Variants in POLD1 observed in about 807,000 individuals in gnomAD.
POLD1 encodes DNA polymerase delta catalytic subunit.
In POLD1, 79 loss-of-function variants were observed where a neutral mutation model predicts 129.7. The ratio of observed to expected loss-of-function variants is 0.61; its 90% CI spans 0.51 to 0.73. The LOEUF is 0.73. POLD1 is among the 30% of genes least tolerant of loss of function. The probability of loss-of-function intolerance (pLI) is 0.00; values close to 1 mark genes in which losing one functional copy is unlikely to be tolerated. For missense variants in POLD1, 1,338 were observed against 1,595.8 expected, an observed-to-expected ratio of 0.84 and a Z score of 2.75; for synonymous variants, 714 against 683.3, an observed-to-expected ratio of 1.04 and a Z score of -0.70.
In POLD1 at chr19:50,413,810, C is replaced by T. The variant is rs1265914610; in HGVS notation, c.2319C>T (p.Ala773=). 1 of 1,612,582 alleles carries T rather than the reference C, an allele frequency of 6.2e-7. No individual in the cohort carries two copies. Among genetic ancestry groups the T allele is most frequent in the South Asian group, 1.1e-5 (1 of 91,020 alleles). The stretch of plus-strand genomic sequence containing the variant: ...TGTCCTCGGTGGCTGAGGCGATGGC[C>T]CTGGGGCGGGAGGCCGCGGACTGGG... The part of the protein sequence containing the change: ...FGVSSVAEAM[A]LGREAADWVS... The change falls in exon 19 of 27, where the codon GCC becomes GCT. Residue 773 remains alanine, a synonymous_variant. Coordinates refer to ENST00000440232, the MANE Select transcript of POLD1 (RefSeq NM_002691.4).
In POLD1 at chr19:50,402,051, C is replaced by T. The variant is rs1306958583; in HGVS notation, c.516C>T (p.Ile172=). 1 of 1,614,112 alleles carries T rather than the reference C, an allele frequency of 6.2e-7. No homozygotes were observed. The highest frequency in any genetic ancestry group is 1.7e-5 in the Admixed American group (1 of 60,030). The change falls in exon 5 of 27, where the codon ATC becomes ATT. Residue 172 remains isoleucine, a synonymous_variant. Transcript: ENST00000440232. ...TGCAACGGGAGCTGAACTTGGCCAT[C>T]AGCCGGGACAGTCGCGGGGGGAGGG... ...GDLQRELNLA[I]SRDSRGGREL...
intron 1 of POLD1, among the ~76,000 whole-genome samples, chr19:50,387,959 C>T (rs996627255): frequency 1.1e-4 from 16 of 152,324 alleles, no homozygotes; most frequent in African/African-American, 3.1e-4. Flanking sequence ...ATACGTCAGA[C>T]GTGTTCTAGC....
intron 24 of POLD1, 95 bp downstream of exon 24, chr19:50,416,818 AC>A (rs943258721): frequency 9.3e-7 from 1 of 1,079,944 alleles, no homozygotes; most frequent in African/African-American, 1.6e-5. Context: ...TGGCACTGCC[AC>A]CCAGTGGGCC....
chr19:50,414,512 C>T (rs917400493), intron 19 of POLD1, among the ~76,000 whole-genome samples: 2 of 152,248 alleles, frequency 1.3e-5, no homozygotes, highest in African/African-American at 4.8e-5. Context: ...AGTTTCTCCT[C>T]TCTTTCATGG....
At chr19:50,389,602 T>TTC (rs1555787562) in intron 1 of POLD1, among the ~76,000 whole-genome samples, 106 of 151,686 alleles carry the variant, frequency 7.0e-4, no homozygotes, top group African/African-American at 2.5e-3. Flanking sequence ...TTTTTTTTTT[T>TTC]CCAAGACTGA....
At chr19:50,399,194 G>T in intron 2 of POLD1, 141 bp downstream of exon 2, 3 of 1,333,974 alleles carry the variant, frequency 2.2e-6, no homozygotes, top group East Asian at 2.5e-5. Flanking sequence ...CTTCCACCCC[G>T]TGCAGCCTGT....
chr19:50,402,473 A>ATCG lies in POLD1; in HGVS notation c.782_784dup (p.Val261dup). The ATCG allele has an allele frequency of 6.2e-7, 1 of 1,612,604 alleles. No individual in the cohort carries two copies. Among genetic ancestry groups the ATCG allele is most frequent in the Non-Finnish European group, 8.5e-7 (1 of 1,179,446 alleles). ...CTCCAGGTTCATGGTGGACACGGAC[A>ATCG]TCGTCGGCTGCAACTGGCTGGAGCT... On this transcript the variant is annotated inframe_insertion, in exon 7 of 27. Transcript: ENST00000440232.
chr19:50,414,985 C>G lies in POLD1; in HGVS notation c.2559C>G (p.Ile853Met), dbSNP rs750421876. The change falls in exon 20 of 27, where the codon ATC becomes ATG. Residue 853 changes from isoleucine to methionine, a missense_variant. Coordinates refer to ENST00000440232, the MANE Select transcript of POLD1 (RefSeq NM_002691.4). ...LVTASLRRLL[I>M]DRDPEGAVAH... Reference sequence around the variant, plus strand: ...CTGCCTCACTGCGCCGCCTGCTCATCGACCGGTGTGTGGGGCCTCCTCCCT... The same window carrying G: ...CTGCCTCACTGCGCCGCCTGCTCATGGACCGGTGTGTGGGGCCTCCTCCCT... The G allele has an allele frequency of 6.3e-7, 1 of 1,577,534 alleles. No individual in the cohort carries two copies. The highest frequency in any genetic ancestry group is 8.6e-7 in the Non-Finnish European group (1 of 1,160,946).
intron 26 of POLD1, 64 bp from the exon 27 acceptor site, chr19:50,417,778 C>T: frequency 9.8e-7 from 1 of 1,020,488 alleles, no homozygotes; most frequent in South Asian, 1.4e-5. Flanking sequence ...CAGCCCCCAC[C>T]CCTCTCCCAG....
intron 17 of POLD1, chr19:50,410,975 T>TTTTTTTA (rs1374033814): frequency 1.3e-5 from 2 of 150,518 alleles, no homozygotes; most frequent in African/African-American, 2.5e-5. Flanking sequence ...TTTTTTTTTT[T>TTTTTTTA]GAGACAGAGT....
chr19:50,391,190 A>G (rs928745090), intron 1 of POLD1, among the ~76,000 whole-genome samples: 2 of 151,662 alleles, frequency 1.3e-5, no homozygotes, highest in Admixed American at 6.6e-5. Flanking sequence ...GCAGCCGGGC[A>G]GAGACGCTCC....
intron 10 of POLD1, among the ~76,000 whole-genome samples, chr19:50,405,061 G>A (rs974470220): frequency 4.0e-5 from 6 of 151,872 alleles, no homozygotes; most frequent in African/African-American, 1.5e-4. Context: ...CACCGCGCCT[G>A]GCCTATTTTT....
At chr19:50,407,983 C>T (rs1021768063) in intron 14 of POLD1, among the ~76,000 whole-genome samples, 3 of 151,710 alleles carry the variant, frequency 2.0e-5, no homozygotes, top group East Asian at 2.0e-4. Flanking sequence ...CTGCAGTGAG[C>T]GATGATTGCG....
chr19:50,416,446 C>T lies in POLD1; in HGVS notation c.2871C>T (p.Tyr957=), dbSNP rs1375552260. The T allele has an allele frequency of 6.5e-7, 1 of 1,549,962 alleles. No individual in the cohort carries two copies. The highest frequency in any genetic ancestry group is 2.4e-5 in the East Asian group (1 of 40,992). Residue 957 remains tyrosine, a synonymous_variant, in exon 23 of 27, where the codon TAC becomes TAT. Coordinates refer to ENST00000440232, the MANE Select transcript of POLD1 (RefSeq NM_002691.4). ...GCCTGCCCATTGACACGCAGTACTA[C>T]CTGGAGCAGCAGCTGGCCAAGCCCC... ...EHSLPIDTQY[Y]LEQQLAKPLL... is the part of the protein sequence containing the mutation.
intron 19 of POLD1, 46 bp from the exon 20 acceptor site, chr19:50,414,769 G>A: frequency 7.0e-7 from 1 of 1,435,174 alleles, no homozygotes. Context: ...CCAGATTGGG[G>A]CTTGGCCTCC....
rs1601227078 is a variant in POLD1 at position 50,409,327 on chromosome 19, G to A, written c.2006+92G>A. On this transcript the variant is annotated intron_variant, in intron 16 of 26. Coordinates refer to ENST00000440232, the MANE Select transcript of POLD1 (RefSeq NM_002691.4). This position sits in a 1 kb window ranked among gnomAD's most constrained non-coding sequence, Gnocchi z 5.8. ...CACTGGGACACCCCAGGGCTGCCCA[G>A]CCACCCTGCCCTCAGCTGTGCGTGA... 2.4e-6 allele frequency: 3 copies of A among 1,230,426 alleles called. No individual in the cohort carries two copies. Among genetic ancestry groups the A allele is most frequent in the Middle Eastern group, 2.2e-4 (1 of 4,650 alleles). 76.2% of individuals were successfully genotyped at this position (1,230,426 alleles called of 1,614,324 possible).
intron 1 of POLD1, among the ~76,000 whole-genome samples, chr19:50,389,287 A>T (rs995624208): frequency 1.3e-5 from 2 of 151,680 alleles, no homozygotes; most frequent in African/African-American, 4.9e-5. Context: ...ACACCCTGCT[A>T]ATTTTTATAT....
chr19:50,385,117 G>A (rs1201213963), intron 1 of POLD1, among the ~76,000 whole-genome samples: 2 of 152,198 alleles, frequency 1.3e-5, no homozygotes, highest in Non-Finnish European at 2.9e-5. Flanking sequence ...GAGGGTTTGA[G>A]CGTGGAAACA....
At chr19:50,407,268 C>T (rs1434559281) in intron 13 of POLD1, 59 bp from the exon 14 acceptor site, 4 of 1,555,568 alleles carry the variant, frequency 2.6e-6, no homozygotes, top group Non-Finnish European at 3.5e-6. Context: ...TTTCTCCCCA[C>T]TCCCAATCCG....
Sources: allele counts gnomAD v4.1 joint callset (sites outside exome capture counted in the v4.1 genomes callset), GRCh38; gene constraint gnomAD v4.1.1; non-coding constraint Gnocchi (gnomAD v3.1); transcripts MANE v1.5; gene names NCBI Gene and HGNC (gene_info 2026-07-23, HGNC 2026-07-21).